The following GRIA2 variants were observed in gnomAD, a reference collection of about 807,000 sequenced individuals.
The protein encoded by GRIA2 is glutamate receptor 2.
A neutral mutation model predicts 97.3 loss-of-function variants in GRIA2; 14 were observed. The ratio of observed to expected loss-of-function variants is 0.14; its 90% CI spans 0.10 to 0.23. The LOEUF is 0.23. GRIA2 is among the 10% of genes least tolerant of loss of function. The pLI is 1.00. For missense variants in GRIA2, 558 were observed against 1,069.8 expected, an observed-to-expected ratio of 0.52 and a Z score of 6.67; for synonymous variants, 412 against 387.8, an observed-to-expected ratio of 1.06 and a Z score of -0.73.
At chr4:157,352,760 A>C (rs924829218) in intron 12 of GRIA2, among the ~76,000 whole-genome samples, 7 of 151,218 alleles carry the variant, frequency 4.6e-5, no homozygotes, top group African/African-American at 1.7e-4. Flanking sequence ...ACAACAACAA[A>C]AACACTTATA....
intron 2 of GRIA2, among the ~76,000 whole-genome samples, chr4:157,229,689 G>C (rs985655512): frequency 3.3e-5 from 5 of 151,946 alleles, no homozygotes; most frequent in African/African-American, 1.2e-4. Context: ...GATTGTTTCA[G>C]TATTTCAAAT....
intron 2 of GRIA2, among the ~76,000 whole-genome samples, chr4:157,297,684 G>A (rs1380712916): frequency 6.6e-6 from 1 of 152,060 alleles, no homozygotes; most frequent in Non-Finnish European, 1.5e-5. Flanking sequence ...CAAGATTCTT[G>A]AAAACAGAAT....
Position 157,359,910 on chromosome 4 carries a change from A to T in GRIA2, c.2058A>T (p.Ala686=). ...TKEFFRRSKI[A]VFDKMWTYMR... ...TTTTCCTGCAGAGATCTAAAATTGC[A>T]GTGTTTGATAAAATGTGGACCTACA... The change falls in exon 13 of 16, where the codon GCA becomes GCT. Residue 686 remains alanine (A), a synonymous_variant. Transcript: ENST00000264426. 6.2e-7 allele frequency: 1 copy of T among 1,613,632 alleles called. No individual in the cohort carries two copies. Among genetic ancestry groups the T allele is most frequent in the African/African-American group, 1.3e-5 (1 of 74,986 alleles).
chr4:157,286,973 A>G (rs1260729380), intron 2 of GRIA2, among the ~76,000 whole-genome samples: 2 of 151,588 alleles, frequency 1.3e-5, no homozygotes, highest in African/African-American at 4.8e-5. Flanking sequence ...TCTAAAATTT[A>G]AAATATTTTT....
At chr4:157,357,195 A>C (rs1441035827) in intron 12 of GRIA2, among the ~76,000 whole-genome samples, 1 of 152,164 alleles carries the variant, frequency 6.6e-6, no homozygotes, top group South Asian at 2.1e-4. Context: ...TCTCAGTAAG[A>C]ATGTCATCAG....
chr4:157,361,449 C>T lies in GRIA2; in HGVS notation c.2406+325C>T. The T allele has an allele frequency of 2.0e-6, 2 of 1,006,732 alleles. No homozygotes were observed. The highest frequency in any genetic ancestry group is 3.0e-6 in the Non-Finnish European group (2 of 655,900). The allele number at this position is 1,006,732 out of a possible 1,614,324, so 62.4% of individuals were successfully genotyped here. ...GGCCAAATGGCGCATCAATGACTAT[C>T]GCTCTTACAAAGCTCTTGAATCAGT... On this transcript the variant is annotated intron_variant, in intron 14 of 15. Coordinates refer to ENST00000264426, the MANE Select transcript of GRIA2 (RefSeq NM_001083619.3). This position sits in a 1 kb window ranked among gnomAD's most constrained non-coding sequence, Gnocchi z 5.2.
intron 2 of GRIA2, among the ~76,000 whole-genome samples, chr4:157,243,722 G>A (rs1730606220): frequency 6.6e-6 from 1 of 152,058 alleles, no homozygotes; most frequent in Non-Finnish European, 1.5e-5. Flanking sequence ...GTGAGGATGT[G>A]TGCTGTATGT....
intron 6 of GRIA2, among the ~76,000 whole-genome samples, chr4:157,327,893 G>C (rs1734876970): frequency 6.6e-6 from 1 of 152,000 alleles, no homozygotes; most frequent in Non-Finnish European, 1.5e-5. Context: ...GCATTAAATT[G>C]TACCCTAGTG....
intron 2 of GRIA2, among the ~76,000 whole-genome samples, chr4:157,301,872 T>C (rs1052471894): frequency 6.6e-6 from 1 of 152,078 alleles, no homozygotes; most frequent in Non-Finnish European, 1.5e-5. Flanking sequence ...CAGCTATTTA[T>C]CTATTTAAAG....
At chr4:157,274,712 G>A (rs1340434672) in intron 2 of GRIA2, among the ~76,000 whole-genome samples, 1 of 151,308 alleles carries the variant, frequency 6.6e-6, no homozygotes, top group African/African-American at 2.4e-5. Context: ...ATTTTTTAAG[G>A]CTGCATAGTA....
chr4:157,230,998 T>C (rs1356429472), intron 2 of GRIA2, among the ~76,000 whole-genome samples: 3 of 151,964 alleles, frequency 2.0e-5, no homozygotes, highest in Non-Finnish European at 4.4e-5. Context: ...GGACTACAGG[T>C]CCATGCCATC....
At chr4:157,338,181 A>G (rs1227884573) in intron 11 of GRIA2, among the ~76,000 whole-genome samples, 4 of 151,580 alleles carry the variant, frequency 2.6e-5, no homozygotes, top group Non-Finnish European at 5.9e-5. Flanking sequence ...AATACTAACC[A>G]AATTGGGGTC....
At chr4:157,284,280 A>T (rs927289995) in intron 2 of GRIA2, among the ~76,000 whole-genome samples, 2 of 150,672 alleles carry the variant, frequency 1.3e-5, no homozygotes, top group Non-Finnish European at 3.0e-5. Context: ...TTGAGAACTT[A>T]AAAAAAAAGC....
intron 9 of GRIA2, chr4:157,334,323 A>G: frequency 2.0e-6 from 1 of 498,874 alleles, no homozygotes; most frequent in Non-Finnish European, 3.6e-6. Flanking sequence ...TCTTTAAGGA[A>G]CGCTACAGTT....
chr4:157,264,825 A>G (rs1731695905), intron 2 of GRIA2, among the ~76,000 whole-genome samples: 1 of 152,068 alleles, frequency 6.6e-6, no homozygotes, highest in Admixed American at 6.6e-5. Context: ...ATAAATAAAT[A>G]ATAACAACTA....
intron 2 of GRIA2, among the ~76,000 whole-genome samples, chr4:157,243,292 C>T (rs1730585708): frequency 6.6e-6 from 1 of 151,956 alleles, no homozygotes; most frequent in African/African-American, 2.4e-5. Flanking sequence ...CCAGTTTAGG[C>T]AAAACAGATA....
At chr4:157,238,216 C>G (rs749008672) in intron 2 of GRIA2, among the ~76,000 whole-genome samples, 1 of 152,048 alleles carries the variant, frequency 6.6e-6, no homozygotes, top group Admixed American at 6.6e-5. Context: ...AAGTTACTTG[C>G]GTCAAGATAT....
intron 5 of GRIA2, among the ~76,000 whole-genome samples, chr4:157,319,367 T>C (rs916754266): frequency 6.6e-6 from 1 of 152,178 alleles, no homozygotes. Flanking sequence ...AGAGCTGATA[T>C]CTGATGCTAT....
At chr4:157,326,527 G>T (rs564449683) in intron 6 of GRIA2, among the ~76,000 whole-genome samples, 2 of 152,248 alleles carry the variant, frequency 1.3e-5, no homozygotes, top group African/African-American at 4.8e-5. Context: ...AGGTACTGTG[G>T]TATCACCTAT....
Sources: allele counts gnomAD v4.1 joint callset (sites outside exome capture counted in the v4.1 genomes callset), GRCh38; gene constraint gnomAD v4.1.1; non-coding constraint Gnocchi (gnomAD v3.1); transcripts MANE v1.5; gene names NCBI Gene and HGNC (gene_info 2026-07-23, HGNC 2026-07-21).